The following PLCB1 variants were observed in gnomAD, a reference collection of about 807,000 sequenced individuals.
PLCB1 encodes 1-phosphatidylinositol 4,5-bisphosphate phosphodiesterase beta-1.
Under a neutral mutation model 161.8 loss-of-function variants are expected in PLCB1, and 46 were observed. The ratio of observed to expected loss-of-function variants is 0.28; its 90% CI spans 0.22 to 0.36. The LOEUF (loss-of-function observed/expected upper bound fraction) is 0.36. Among genes scored for constraint, PLCB1 ranks in the 10% least tolerant of loss-of-function variants. The probability of loss-of-function intolerance (pLI) is 1.00; values close to 1 mark genes in which losing one functional copy is unlikely to be tolerated. For missense variants in PLCB1, 1,016 were observed against 1,472.5 expected, an observed-to-expected ratio of 0.69 and a Z score of 5.07; for synonymous variants, 517 against 503.7, an observed-to-expected ratio of 1.03 and a Z score of -0.35.
chr20:8,554,580 C>A (rs1485781064), intron 3 of PLCB1, among the ~76,000 whole-genome samples: 2 of 151,926 alleles, frequency 1.3e-5, no homozygotes, highest in Non-Finnish European at 2.9e-5. Flanking sequence ...TGATAGAAAC[C>A]AGAATAGTAG....
At chr20:8,246,687 A>C (rs1600259587) in intron 2 of PLCB1, among the ~76,000 whole-genome samples, 1 of 151,966 alleles carries the variant, frequency 6.6e-6, no homozygotes, top group East Asian at 1.9e-4. Flanking sequence ...TTCATCCCAT[A>C]GAGCCTGGAC....
intron 3 of PLCB1, among the ~76,000 whole-genome samples, chr20:8,594,094 G>A (rs375758242): frequency 2.0e-5 from 3 of 151,876 alleles, no homozygotes; most frequent in Non-Finnish European, 4.4e-5. Context: ...TATTGCCCAC[G>A]CTGGTCTTGA....
intron 10 of PLCB1, among the ~76,000 whole-genome samples, chr20:8,696,954 C>T (rs150905257): frequency 0.037 from 5,659 of 152,194 alleles, 370 homozygotes; most frequent in African/African-American, 0.13. Context: ...AGGATGGTCT[C>T]GATCTCCTGA....
intron 31 of PLCB1, among the ~76,000 whole-genome samples, chr20:8,856,303 A>G (rs1321046018): frequency 2.0e-5 from 3 of 152,174 alleles, no homozygotes; most frequent in South Asian, 2.1e-4. Flanking sequence ...TTAAAGGACC[A>G]TACTGAACCT....
intron 31 of PLCB1, among the ~76,000 whole-genome samples, chr20:8,825,193 C>G (rs1392423220): frequency 6.6e-6 from 1 of 152,180 alleles, no homozygotes. Flanking sequence ...TTTACCCCCC[C>G]AAAAAAGGAG....
At chr20:8,778,372 A>G (rs557589687) in intron 27 of PLCB1, among the ~76,000 whole-genome samples, 1 of 152,274 alleles carries the variant, frequency 6.6e-6, no homozygotes, top group Admixed American at 6.5e-5. Context: ...ATGAGGCACC[A>G]TATGGAATCC....
At chr20:8,209,874 G>A (rs899158907) in intron 2 of PLCB1, among the ~76,000 whole-genome samples, 1 of 152,070 alleles carries the variant, frequency 6.6e-6, no homozygotes, top group African/African-American at 2.4e-5. Flanking sequence ...TACTCACTCT[G>A]TTACCCATGC....
intron 2 of PLCB1, among the ~76,000 whole-genome samples, chr20:8,282,718 G>A (rs1982929167): frequency 6.6e-6 from 1 of 152,094 alleles, no homozygotes; most frequent in Non-Finnish European, 1.5e-5. Context: ...TCTTGGTTGT[G>A]GCTTTTTGGG....
intron 4 of PLCB1, among the ~76,000 whole-genome samples, chr20:8,641,169 A>G (rs1028758952): frequency 1.3e-5 from 2 of 152,214 alleles, no homozygotes; most frequent in African/African-American, 4.8e-5. Flanking sequence ...GTACTTTATT[A>G]ATTGGAGAGC....
intron 3 of PLCB1, among the ~76,000 whole-genome samples, chr20:8,378,947 T>C (rs1283419500): frequency 6.6e-6 from 1 of 152,206 alleles, no homozygotes; most frequent in East Asian, 1.9e-4. Flanking sequence ...AAGTTTTATT[T>C]ATTTATTTTT....
chr20:8,579,615 C>T (rs911686762), intron 3 of PLCB1, among the ~76,000 whole-genome samples: 3 of 152,170 alleles, frequency 2.0e-5, no homozygotes, highest in Admixed American at 6.5e-5. Flanking sequence ...ACTAGAAAGA[C>T]TTTGAGTAGG....
At chr20:8,463,645 A>G (rs1281211938) in intron 3 of PLCB1, among the ~76,000 whole-genome samples, 1 of 151,966 alleles carries the variant, frequency 6.6e-6, no homozygotes, top group Non-Finnish European at 1.5e-5. Flanking sequence ...TTTCTATTTT[A>G]TCCTTTGAAC....
chr20:8,650,971 A>G (rs954430699), intron 7 of PLCB1, among the ~76,000 whole-genome samples: 1 of 152,182 alleles, frequency 6.6e-6, no homozygotes, highest in Non-Finnish European at 1.5e-5. Context: ...CACAAGGTAC[A>G]TCATATACAT....
chr20:8,199,468 C>T (rs889979459), intron 2 of PLCB1, among the ~76,000 whole-genome samples: 5 of 152,056 alleles, frequency 3.3e-5, no homozygotes, highest in African/African-American at 9.7e-5. Context: ...GAATGTTTGC[C>T]GAAATAAATC....
chr20:8,394,232 A>G (rs1026083632), intron 3 of PLCB1, among the ~76,000 whole-genome samples: 5 of 152,122 alleles, frequency 3.3e-5, no homozygotes, highest in Non-Finnish European at 5.9e-5. Context: ...CTATTTTTCT[A>G]TGGTTTCACA....
At chr20:8,629,994 C>T (rs1184855264) in intron 4 of PLCB1, among the ~76,000 whole-genome samples, 4 of 72,604 alleles carry the variant, frequency 5.5e-5, no homozygotes, top group African/African-American at 2.4e-4. Flanking sequence ...TTCTTTCTTT[C>T]TTTCTTTCTT....
At chr20:8,454,488 T>C (rs930417057) in intron 3 of PLCB1, among the ~76,000 whole-genome samples, 1 of 152,070 alleles carries the variant, frequency 6.6e-6, no homozygotes, top group African/African-American at 2.4e-5. Flanking sequence ...GAGCCCCTAG[T>C]GGAGTTGGTG....
chr20:8,351,617 A>T (rs905509315), intron 2 of PLCB1, among the ~76,000 whole-genome samples: 1 of 152,074 alleles, frequency 6.6e-6, no homozygotes, highest in East Asian at 1.9e-4. Context: ...TTCTGAATAT[A>T]TAGAGAACCC....
intron 2 of PLCB1, among the ~76,000 whole-genome samples, chr20:8,153,968 A>G (rs1056394670): frequency 2.0e-5 from 3 of 152,172 alleles, no homozygotes; most frequent in Non-Finnish European, 4.4e-5. Flanking sequence ...AAGCAATGTA[A>G]CTATCTTTAA....
Sources: allele counts gnomAD v4.1 joint callset (sites outside exome capture counted in the v4.1 genomes callset), GRCh38; gene constraint gnomAD v4.1.1; transcripts MANE v1.5; gene names NCBI Gene and HGNC (gene_info 2026-07-23, HGNC 2026-07-21).